Variants in FGD2 observed in about 807,000 individuals in gnomAD.
FGD2 encodes the protein FYVE, RhoGEF and PH domain containing 2.
FGD2 carries 52 observed loss-of-function variants against 75.9 expected under a neutral mutation model. That is an observed-to-expected ratio of 0.69 (90% CI 0.55 to 0.86). The LOEUF is 0.86. Ranked by LOEUF, FGD2 falls within the 40% of genes least tolerant of loss-of-function variation. The probability of loss-of-function intolerance (pLI) is 0.00; values close to 1 mark genes in which losing one functional copy is unlikely to be tolerated. For synonymous variants in FGD2, 347 were observed against 348.6 expected (o/e 1.00, Z 0.05); for missense variants, 790 against 872.0 (o/e 0.91, Z 1.18).
intron 1 of FGD2, among the ~76,000 whole-genome samples, chr6:37,006,829 C>T (rs1764777273): frequency 1.3e-5 from 2 of 152,076 alleles, no homozygotes; most frequent in African/African-American, 4.8e-5. Flanking sequence ...GGGGGAGATG[C>T]TGAACTGCAG....
rs538320647 is a variant in FGD2 at position 37,015,682 on chromosome 6, C to A, written c.1030-86C>A. 4.0e-6 allele frequency: 5 copies of A among 1,246,806 alleles called. No homozygotes were observed. The East Asian group carries it at 1.0e-4, about 25-fold the overall frequency. 77.2% of individuals were successfully genotyped at this position (1,246,806 alleles called of 1,614,324 possible). ...GGGAGCGGGTCCAGTGGTGCTCAGCCCATGCTCGGCCCACCCTCGGGGAAA... is the reference window on the plus strand; with the variant it reads ...GGGAGCGGGTCCAGTGGTGCTCAGCACATGCTCGGCCCACCCTCGGGGAAA... On this transcript the variant is annotated intron_variant, in intron 8 of 15. Coordinates refer to ENST00000274963, the MANE Select transcript of FGD2 (RefSeq NM_173558.4).
intron 9 of FGD2, 128 bp from the exon 10 acceptor site, chr6:37,020,413 C>T (rs1765519470): frequency 4.6e-6 from 4 of 873,754 alleles, no homozygotes; most frequent in South Asian, 1.6e-5. Flanking sequence ...GGCGAACAAG[C>T]TCTGCATCCC....
At chr6:37,011,108 C>T in intron 3 of FGD2, 58 bp downstream of exon 3, 3 of 1,485,592 alleles carry the variant, frequency 2.0e-6, no homozygotes, top group African/African-American at 1.4e-5. Context: ...TCACCTCACC[C>T]CTTCTCAGCC....
chr6:37,019,069 T>C (rs1765442954), intron 9 of FGD2, among the ~76,000 whole-genome samples: 1 of 152,218 alleles, frequency 6.6e-6, no homozygotes, highest in Admixed American at 6.5e-5. Context: ...AAAAGCATGA[T>C]ATTTCTTCCT....
chr6:37,027,574 AG>A lies in FGD2; in HGVS notation c.1752+1del. ...GTGCTCTATGTCTATGCTGCCCCTC[AG>A]GTAAGGCCACCACCTGCCCGCCCCC... ...PLVLYVYAAP[Q>X]DMRAHTSIPL... On this transcript the variant is annotated frameshift_variant and splice_region_variant, in exon 15 of 16. Transcript: ENST00000274963. LOFTEE classifies it low-confidence loss of function (END_TRUNC). The A allele has an allele frequency of 1.2e-6, 2 of 1,613,922 alleles. No homozygotes were observed. The highest frequency in any genetic ancestry group is 1.1e-5 in the South Asian group (1 of 91,078).
chr6:37,027,778 G>A (rs1583331158), intron 15 of FGD2, 170 bp from the exon 16 acceptor site: 5 of 1,014,592 alleles, frequency 4.9e-6, no homozygotes, highest in Non-Finnish European at 7.1e-6. Context: ...TTTGCCCTCA[G>A]AGGCAGCCAG....
At chr6:37,021,753 TC>T (rs1443314520) in intron 12 of FGD2, 149 bp downstream of exon 12, 2 of 694,950 alleles carry the variant, frequency 2.9e-6, no homozygotes, top group Non-Finnish European at 4.7e-6. Flanking sequence ...TCCCAGCGCA[TC>T]CCCCGACTCA....
Position 37,013,948 on chromosome 6 carries a change from C to A in FGD2, c.685-14C>A, listed in dbSNP as rs369593356. The A allele has an allele frequency of 3.7e-6, 6 of 1,611,612 alleles. No individual in the cohort carries two copies. Among genetic ancestry groups the A allele is most frequent in the East Asian group, 2.2e-5 (1 of 44,870 alleles). ...TCTCACCCTCTCCGTGTTGCTCCCCCATCCCTCCCCAAGAGCAGCGAGGCT... is the reference window on the plus strand; with the variant it reads ...TCTCACCCTCTCCGTGTTGCTCCCCAATCCCTCCCCAAGAGCAGCGAGGCT... On this transcript the variant is annotated splice_polypyrimidine_tract_variant and intron_variant, in intron 5 of 15. Coordinates refer to ENST00000274963, the MANE Select transcript of FGD2 (RefSeq NM_173558.4).
intron 6 of FGD2, 93 bp from the exon 7 acceptor site, chr6:37,014,553 T>G (rs879169786): frequency 6.0e-4 from 851 of 1,417,270 alleles, no homozygotes; most frequent in Admixed American, 3.8e-3. Flanking sequence ...TCATGGCAGG[T>G]CCTGAGGGCC....
chr6:37,023,791 T>C (rs1012780015), intron 13 of FGD2: 1 of 152,260 alleles, frequency 6.6e-6, no homozygotes, highest in Non-Finnish European at 1.5e-5. Context: ...GATTCACTTC[T>C]GTAAATAAGA....
Position 37,011,680 on chromosome 6 carries a change from T to G in FGD2, c.379-26T>G, listed in dbSNP as rs377133555. 2.9e-5 allele frequency: 47 copies of G among 1,612,894 alleles called. No homozygotes were observed. In the African/African-American group the frequency reaches 5.9e-4, roughly 20 times the overall value. ...TGTGGGTGGCTCCCTGTCACTGCAG[T>G]GAGTGACCTGTCGTGGCGGCTACAG... On this transcript the variant is annotated intron_variant, in intron 3 of 15. Coordinates refer to ENST00000274963, the MANE Select transcript of FGD2 (RefSeq NM_173558.4).
intron 9 of FGD2, 110 bp from the exon 10 acceptor site, chr6:37,020,431 C>T (rs1765521495): frequency 2.8e-6 from 3 of 1,054,064 alleles, no homozygotes; most frequent in African/African-American, 1.6e-5. Context: ...CCCTGTCTCT[C>T]GAATTTGAAT....
At chr6:37,010,628 T>C (rs1378029648) in intron 2 of FGD2, among the ~76,000 whole-genome samples, 1 of 152,178 alleles carries the variant, frequency 6.6e-6, no homozygotes, top group Non-Finnish European at 1.5e-5. Flanking sequence ...GGCTGGGCTC[T>C]TTCTCCGTGT....
chr6:37,022,639 TGGCCTCTACCTGTCCCACCTC>T lies in FGD2; in HGVS notation c.1458+276_1458+296del, dbSNP rs1765647866. ...ACCTAGGCCTCCACCTGCCCCACCT[TGGCCTCTACCTGTCCCACCTC>T]GGCCTCCACCTGCCCCACCTTGGCT... On this transcript the variant is annotated intron_variant, in intron 13 of 15. Transcript: ENST00000274963. The T allele has an allele frequency of 2.1e-5, 8 of 382,112 alleles. No individual in the cohort carries two copies. The South Asian group carries it at 3.7e-4, about 18-fold the overall frequency. 23.7% of individuals were successfully genotyped at this position (382,112 alleles called of 1,614,324 possible).
In FGD2 at chr6:37,013,782, G is replaced by T. The variant is rs764209526; in HGVS notation, c.684+17G>T. On this transcript the variant is annotated intron_variant, in intron 5 of 15. Transcript: ENST00000274963. Reference sequence around the variant, plus strand: ...CGCATCCAGGTGAGGCTGGGGGAGGGCTGGAGTCAGCATTGCCACTCCCAG... The same window carrying T: ...CGCATCCAGGTGAGGCTGGGGGAGGTCTGGAGTCAGCATTGCCACTCCCAG... 6.2e-7 allele frequency: 1 copy of T among 1,612,882 alleles called. No homozygotes were observed. The highest frequency in any genetic ancestry group is 8.5e-7 in the Non-Finnish European group (1 of 1,179,362).
At position 37,015,842 on chromosome 6, in the gene FGD2, C is replaced by T. The variant is rs202190893; in HGVS notation, c.1104C>T (p.Ile368=). The part of the protein sequence containing the change: ...VGAQFQVRTR[I]DVAGMKVREL... ...CCCAGTTCCAGGTGAGGACCCGCAT[C>T]GATGTGGCCGGGATGAAGGTAAGAG... Residue 368 remains isoleucine, a synonymous_variant, in exon 9 of 16, where the codon ATC becomes ATT. Transcript: ENST00000274963. 4.6e-5 allele frequency: 73 copies of T among 1,586,224 alleles called. 1 individual carries two copies. Among genetic ancestry groups the T allele is most frequent in the East Asian group, 2.7e-4 (12 of 43,920 alleles).
At chr6:37,020,988 G>A (rs774723454) in intron 11 of FGD2, among the ~76,000 whole-genome samples, 3 of 151,558 alleles carry the variant, frequency 2.0e-5, no homozygotes, top group Non-Finnish European at 2.9e-5. Context: ...TTGTGTGTAT[G>A]TGTGCATGCA....
At chr6:37,022,484 C>T in intron 13 of FGD2, 114 bp downstream of exon 13, 1 of 1,373,730 alleles carries the variant, frequency 7.3e-7, no homozygotes, top group Non-Finnish European at 9.5e-7. Flanking sequence ...CCTAGGCCTC[C>T]ACCTGCCCCA....
chr6:37,023,946 T>C (rs1765703159), intron 13 of FGD2: 1 of 152,240 alleles, frequency 6.6e-6, no homozygotes. Flanking sequence ...CTAAATTAAA[T>C]GTATGATCCT....
Sources: allele counts gnomAD v4.1 joint callset (sites outside exome capture counted in the v4.1 genomes callset), GRCh38; gene constraint gnomAD v4.1.1; transcripts MANE v1.5; gene names NCBI Gene and HGNC (gene_info 2026-07-23, HGNC 2026-07-21).